ECT2L: variants seen among roughly 807,000 people sequenced by gnomAD.
ECT2L encodes the protein epithelial cell transforming 2 like.
In ECT2L, 126 loss-of-function variants were observed where a neutral mutation model predicts 122.8. The ratio of observed to expected loss-of-function variants is 1.03; its 90% CI spans 0.89 to 1.19. ECT2L has a LOEUF of 1.19. ECT2L is among the 50% of genes most tolerant of loss of function. The pLI, the probability that ECT2L is intolerant of heterozygous loss-of-function variation, is 0.00. For synonymous variants in ECT2L, 385 were observed against 381.8 expected, an observed-to-expected ratio of 1.01 and a Z score of -0.10; for missense variants, 1,012 against 1,064.1, an observed-to-expected ratio of 0.95 and a Z score of 0.68.
intron 20 of ECT2L, among the ~76,000 whole-genome samples, chr6:138,894,719 TA>T (rs1405992605): frequency 6.6e-6 from 1 of 152,184 alleles, no homozygotes; most frequent in Non-Finnish European, 1.5e-5. Flanking sequence ...TATTTTAGTA[TA>T]AAATCTTGGT....
rs1235844109 is a variant in ECT2L at position 138,866,156 on chromosome 6, T to TC, written c.1474+978_1474+979insC. 2.0e-5 allele frequency among the ~76,000 whole-genome samples: 3 copies of TC among 151,088 alleles called. No homozygotes were observed. In the East Asian group the frequency reaches 5.8e-4, roughly 29 times the overall value. ...GAGAAAGTATTTTTCATAGTTTTTT[T>TC]TTTTTTTTTTGAGACAGAGTTTTGC... On this transcript the variant is annotated intron_variant, in intron 12 of 21. Transcript: ENST00000541398.
chr6:138,825,294 AT>A (rs1776406602), intron 4 of ECT2L, among the ~76,000 whole-genome samples: 1 of 152,156 alleles, frequency 6.6e-6, no homozygotes, highest in Non-Finnish European at 1.5e-5. Flanking sequence ...GAAAATACAT[AT>A]AATGCCGAGC....
chr6:138,865,191 G>GC lies in ECT2L; in HGVS notation c.1474+14dup. On this transcript the variant is annotated intron_variant, in intron 12 of 21. Coordinates refer to ENST00000541398, the MANE Select transcript of ECT2L (RefSeq NM_001077706.3). The stretch of plus-strand genomic sequence containing the variant: ...GGCAGGATGATAGGTAAGCAGTCTT[G>GC]CTACTTCTGTTGCAGGTTAATTATG... 6.3e-7 allele frequency: 1 copy of GC among 1,584,110 alleles called. No individual in the cohort carries two copies. The highest frequency in any genetic ancestry group is 1.3e-5 in the African/African-American group (1 of 74,398).
chr6:138,891,285 T>C (rs1037325142), intron 20 of ECT2L, among the ~76,000 whole-genome samples: 1 of 152,230 alleles, frequency 6.6e-6, no homozygotes, highest in African/African-American at 2.4e-5. Flanking sequence ...TTTGACATGT[T>C]TTGAAATGGC....
intron 10 of ECT2L, among the ~76,000 whole-genome samples, chr6:138,858,800 G>C (rs936897984): frequency 6.7e-6 from 1 of 148,688 alleles, no homozygotes; most frequent in African/African-American, 2.5e-5. Context: ...CAACTTCCCG[G>C]GGTCAAGCGA....
Position 138,865,198 on chromosome 6 carries a change from C to T in ECT2L, c.1474+20C>T, listed in dbSNP as rs756146132. On this transcript the variant is annotated intron_variant, in intron 12 of 21. Coordinates refer to ENST00000541398, the MANE Select transcript of ECT2L (RefSeq NM_001077706.3). ...TGATAGGTAAGCAGTCTTGCTACTT[C>T]TGTTGCAGGTTAATTATGAAGTTGC... 17 of 1,576,782 alleles carry T rather than the reference C, an allele frequency of 1.1e-5. No homozygotes were observed. The highest frequency in any genetic ancestry group is 1.5e-5 in the Non-Finnish European group (17 of 1,155,954).
At chr6:138,830,625 G>C (rs1421107814) in intron 4 of ECT2L, among the ~76,000 whole-genome samples, 1 of 152,014 alleles carries the variant, frequency 6.6e-6, no homozygotes, top group Admixed American at 6.6e-5. Flanking sequence ...CGGTTATCTT[G>C]CTTGTCCTCT....
rs577266621 is a variant in ECT2L, at chr6:138,854,619, ATG to A, written c.1198+466_1198+467del. Among the ~76,000 whole-genome samples the A allele has an allele frequency of 1.2e-4, 19 of 152,276 alleles. No individual in the cohort carries two copies. In the East Asian group the frequency reaches 3.5e-3, roughly 28 times the overall value. ...AACTTGTGGACCTCCATTTCCTCAT[ATG>A]AAATTTAGAACAATGGTACCTTAGT... On this transcript the variant is annotated intron_variant, in intron 10 of 21. Transcript: ENST00000541398.
rs188576751 is a variant in ECT2L at position 138,834,244 on chromosome 6, A to T, written c.180-4108A>T. Among the ~76,000 whole-genome samples, 5 of 152,288 alleles carry T rather than the reference A, an allele frequency of 3.3e-5. No individual in the cohort carries two copies. The East Asian group carries it at 9.6e-4, about 29-fold the overall frequency. On this transcript the variant is annotated intron_variant, in intron 4 of 21. Coordinates refer to ENST00000541398, the MANE Select transcript of ECT2L (RefSeq NM_001077706.3). ...TCCTTACATGTTGTTATTTCTCTTCACAGATTTCTTACTTTGCAACATTAA... is the reference window on the plus strand; with the variant it reads ...TCCTTACATGTTGTTATTTCTCTTCTCAGATTTCTTACTTTGCAACATTAA...
intron 4 of ECT2L, among the ~76,000 whole-genome samples, chr6:138,816,265 T>G (rs926034866): frequency 6.6e-6 from 1 of 152,222 alleles, no homozygotes; most frequent in Non-Finnish European, 1.5e-5. Flanking sequence ...TTATGGTATA[T>G]TTTGAAGCAG....
chr6:138,902,425 T>C, intron 21 of ECT2L, 75 bp from the exon 22 acceptor site: 2 of 1,395,020 alleles, frequency 1.4e-6, no homozygotes, highest in East Asian at 2.3e-5. Flanking sequence ...ATGATGATTT[T>C]TGAGTATTAA....
At chr6:138,848,536 T>C (rs552156023) in intron 8 of ECT2L, among the ~76,000 whole-genome samples, 1 of 152,306 alleles carries the variant, frequency 6.6e-6, no homozygotes, top group Non-Finnish European at 1.5e-5. Context: ...GATATATACT[T>C]AGAAAAGTTT....
chr6:138,805,147 A>G (rs1648226936), intron 1 of ECT2L, among the ~76,000 whole-genome samples: 2 of 152,206 alleles, frequency 1.3e-5, no homozygotes, highest in Admixed American at 1.3e-4. Context: ...TGTTTTGTGT[A>G]GCAGCAGGCT....
At chr6:138,884,048 T>C (rs2128408426) in intron 16 of ECT2L, among the ~76,000 whole-genome samples, 1 of 152,242 alleles carries the variant, frequency 6.6e-6, no homozygotes, top group Non-Finnish European at 1.5e-5. Context: ...GTATTTTTTG[T>C]AGAGACGGAG....
intron 8 of ECT2L, among the ~76,000 whole-genome samples, 198 bp downstream of exon 8, chr6:138,846,875 T>C (rs1435898688): frequency 6.8e-6 from 1 of 146,580 alleles, no homozygotes; most frequent in Non-Finnish European, 1.5e-5. Context: ...GGTGGGAGGA[T>C]CACTGGAGCC....
chr6:138,806,361 C>G (rs914934511), intron 1 of ECT2L, among the ~76,000 whole-genome samples: 3 of 152,060 alleles, frequency 2.0e-5, no homozygotes, highest in African/African-American at 7.2e-5. Context: ...ATCCACAAGT[C>G]TCTTTGAGAC....
In ECT2L at chr6:138,840,619, A is replaced by AT. The variant is rs1209269980; in HGVS notation, c.342+2114dup. Among the ~76,000 whole-genome samples the AT allele has an allele frequency of 2.5e-4, 38 of 150,598 alleles. 1 individual carries two copies. In the South Asian group the frequency reaches 6.8e-3, roughly 27 times the overall value. ...TTTTATAGAACTTTGAAAATATTTCATTTTTTTTTCTTGAGAAGTCAGAAG... is the reference window on the plus strand; with the variant it reads ...TTTTATAGAACTTTGAAAATATTTCATTTTTTTTTTCTTGAGAAGTCAGAAG... On this transcript the variant is annotated intron_variant, in intron 5 of 21. Coordinates refer to ENST00000541398, the MANE Select transcript of ECT2L (RefSeq NM_001077706.3).
rs577652447 is a variant in ECT2L, at chr6:138,884,102, G to A, written c.2028+1231G>A. Reference sequence around the variant, plus strand: ...GCTGGTCTTAAACTCCTGGGCTCAAGCAATCTGCCCAACTCTGTCTCCCAA... The same window carrying A: ...GCTGGTCTTAAACTCCTGGGCTCAAACAATCTGCCCAACTCTGTCTCCCAA... On this transcript the variant is annotated intron_variant, in intron 16 of 21. Transcript: ENST00000541398. 5.3e-5 allele frequency among the ~76,000 whole-genome samples: 8 copies of A among 152,274 alleles called. No individual in the cohort carries two copies. In the South Asian group the frequency reaches 1.2e-3, roughly 24 times the overall value.
At chr6:138,884,811 GT>G (rs1273698069) in intron 16 of ECT2L, among the ~76,000 whole-genome samples, 1 of 151,546 alleles carries the variant, frequency 6.6e-6, no homozygotes, top group Non-Finnish European at 1.5e-5. Flanking sequence ...GGATAGGATT[GT>G]TTTTTTTCCA....
Sources: allele counts gnomAD v4.1 joint callset (sites outside exome capture counted in the v4.1 genomes callset), GRCh38; gene constraint gnomAD v4.1.1; transcripts MANE v1.5; gene names NCBI Gene and HGNC (gene_info 2026-07-23, HGNC 2026-07-21).